Variants in UPK3B observed in about 807,000 individuals in gnomAD.
UPK3B encodes the protein uroplakin 3B.
Under a neutral mutation model 27.6 loss-of-function variants are expected in UPK3B, and 21 were observed. That is an observed-to-expected ratio of 0.76 (90% CI 0.54 to 1.10). UPK3B has a LOEUF of 1.10. Among genes scored for constraint, UPK3B ranks in the 50% least tolerant of loss-of-function variants. The pLI is 0.00. For missense variants in UPK3B, 306 were observed against 376.1 expected, an observed-to-expected ratio of 0.81 and a Z score of 1.54; for synonymous variants, 141 against 162.3, an observed-to-expected ratio of 0.87 and a Z score of 1.00.
In UPK3B at chr7:76,514,118, C is replaced by G. The variant is rs1168213750; in HGVS notation, c.671+42C>G. 3.1e-6 allele frequency: 5 copies of G among 1,613,692 alleles called. No individual in the cohort carries two copies. The Admixed American group carries it at 6.7e-5, about 22-fold the overall frequency. ...CCTCGGGCCCCTCTCCCACCCAGAA[C>G]CCCTCTGTTGAATTGGTCCCAGTGT... On this transcript the variant is annotated intron_variant, in intron 5 of 5. Coordinates refer to ENST00000334348, the MANE Select transcript of UPK3B (RefSeq NM_001347684.2).
Position 76,515,506 on chromosome 7 carries a change from C to T in UPK3B, c.*302C>T, listed in dbSNP as rs1812709774. The T allele has an allele frequency of 3.1e-6, 2 of 643,138 alleles. No homozygotes were observed. The highest frequency in any genetic ancestry group is 3.6e-6 in the Non-Finnish European group (2 of 552,954). 39.8% of individuals were successfully genotyped at this position (643,138 alleles called of 1,614,324 possible). On this transcript the variant is annotated 3_prime_UTR_variant, in exon 6 of 6. Transcript: ENST00000334348. The stretch of plus-strand genomic sequence containing the variant: ...CACCTCTGTCTCACCTGACCTCCTG[C>T]GAGGGAGGCTGGAGACTGTGTGGAC...
rs764822370 is a variant in UPK3B at position 76,513,061 on chromosome 7, C to T, written c.462-23C>T. The T allele has an allele frequency of 6.9e-6, 11 of 1,604,034 alleles. No individual in the cohort carries two copies. The East Asian group carries it at 2.0e-4, about 29-fold the overall frequency. On this transcript the variant is annotated intron_variant, in intron 3 of 5. Coordinates refer to ENST00000334348, the MANE Select transcript of UPK3B (RefSeq NM_001347684.2). ...CCAGCCTCTGAAGCTCTCCCCTCCT[C>T]CCCCACCACCTCCCATCCCCAGGGT...
Position 76,515,141 on chromosome 7 carries a change from G to T in UPK3B, c.768G>T (p.Glu256Asp). 1 of 1,598,386 alleles carries T rather than the reference G, an allele frequency of 6.3e-7. No individual in the cohort carries two copies. The highest frequency in any genetic ancestry group is 1.1e-5 in the South Asian group (1 of 88,532). Residue 256 changes from glutamate (E) to aspartate (D), a missense_variant, in exon 6 of 6, where the codon GAG becomes GAT. Physicochemically the swap from Glu to Asp is conservative, Grantham distance 45. Coordinates refer to ENST00000334348, the MANE Select transcript of UPK3B (RefSeq NM_001347684.2). ...RYMTHHIPPREAATLPVGCKP... is the reference protein window; with the variant it reads ...RYMTHHIPPRDAATLPVGCKP... ...TGACCCACCACATCCCACCCAGAGA[G>T]GCCGCCACACTGCCGGTGGGCTGCA... is the stretch of plus-strand genomic sequence containing the variant.
intron 4 of UPK3B, among the ~76,000 whole-genome samples, 181 bp downstream of exon 4, chr7:76,513,344 G>A (rs979260521): frequency 1.3e-5 from 2 of 152,134 alleles, no homozygotes; most frequent in Non-Finnish European, 2.9e-5. Flanking sequence ...CAGCCCCCTC[G>A]GCAGGGGCAC....
At chr7:76,513,828 A>T in intron 4 of UPK3B, 119 bp from the exon 5 acceptor site, 3 of 1,487,726 alleles carry the variant, frequency 2.0e-6, no homozygotes, top group Non-Finnish European at 2.7e-6. Flanking sequence ...GCGCCTGGGG[A>T]TATGAGACAG....
rs776520942 is a variant in UPK3B at position 76,510,611 on chromosome 7, A to C, written c.-42A>C. 1 of 1,430,828 alleles carries C rather than the reference A, an allele frequency of 7.0e-7. No homozygotes were observed. The highest frequency in any genetic ancestry group is 1.8e-5 in the South Asian group (1 of 56,568). The allele number at this position is 1,430,828 out of a possible 1,614,324, so 88.6% of individuals were successfully genotyped here. ...TTGGGGGTGAGGTGCAGCCCGAAGCAGCCAGACCAGCCCCTGAGCCTCCCG... is the reference window on the plus strand; with the variant it reads ...TTGGGGGTGAGGTGCAGCCCGAAGCCGCCAGACCAGCCCCTGAGCCTCCCG... On this transcript the variant is annotated 5_prime_UTR_variant, in exon 1 of 6. Transcript: ENST00000334348.
At chr7:76,514,120 C>T (rs779574324) in intron 5 of UPK3B, 44 bp downstream of exon 5, 1 of 1,613,614 alleles carries the variant, frequency 6.2e-7, no homozygotes, top group East Asian at 2.2e-5. Context: ...ACCCAGAACC[C>T]CTCTGTTGAA....
rs773737981 is a variant in UPK3B, at chr7:76,513,986, G to A, written c.581G>A (p.Arg194Gln). Residue 194 changes from arginine to glutamine, a missense_variant, in exon 5 of 6, where the codon CGA becomes CAA. Coordinates refer to ENST00000334348, the MANE Select transcript of UPK3B (RefSeq NM_001347684.2). ...PGSIDTWPGRRSGSMIVITSI... is the reference protein window; with the variant it reads ...PGSIDTWPGRQSGSMIVITSI... ...TCCATCGACACCTGGCCAGGGCGGC[G>A]AAGTGGCAGCATGATCGTCATTACC... 18 of 1,613,896 alleles carry A rather than the reference G, an allele frequency of 1.1e-5. No homozygotes were observed. Among genetic ancestry groups the A allele is most frequent in the Admixed American group, 1.7e-5 (1 of 60,008 alleles).
chr7:76,513,376 G>A (rs1347286372), intron 4 of UPK3B, among the ~76,000 whole-genome samples: 1 of 152,172 alleles, frequency 6.6e-6, no homozygotes, highest in African/African-American at 2.4e-5. Flanking sequence ...ATCCGCAAGC[G>A]TTTGCCACAT....
At chr7:76,514,156 C>T in intron 5 of UPK3B, 80 bp downstream of exon 5, 2 of 1,598,362 alleles carry the variant, frequency 1.3e-6, no homozygotes, top group South Asian at 2.2e-5. Context: ...GGAAGCCCTC[C>T]AGGCATGCCA....
intron 4 of UPK3B, among the ~76,000 whole-genome samples, chr7:76,513,614 G>A (rs764633210): frequency 1.6e-4 from 25 of 152,082 alleles, no homozygotes; most frequent in Admixed American, 2.0e-4. Flanking sequence ...CCTGGGAGAC[G>A]GCTTCAGAGG....
At position 76,515,059 on chromosome 7, in the gene UPK3B, G is replaced by T. The variant is rs568226441; in HGVS notation, c.686G>T (p.Trp229Leu). ...ASTMRFSSLW[W>L]PEEAPEQLRI... ...TCCCCGCCCAGCTCCAGCCTGTGGT[G>T]GCCGGAGGAGGCCCCGGAGCAGCTG... Residue 229 changes from tryptophan (W) to leucine (L), a missense_variant, in exon 6 of 6, where the codon TGG (tryptophan) becomes TTG (leucine). Trp to Leu is a moderately conservative substitution (Grantham distance 61, BLOSUM62 -2). Transcript: ENST00000334348. The T allele has an allele frequency of 5.7e-6, 9 of 1,584,068 alleles. No homozygotes were observed. Among genetic ancestry groups the T allele is most frequent in the Non-Finnish European group, 7.7e-6 (9 of 1,165,892 alleles).
In UPK3B at chr7:76,513,132, C is replaced by T. The variant is rs147468133; in HGVS notation, c.510C>T (p.Thr170=). 9.6e-5 allele frequency: 155 copies of T among 1,613,874 alleles called. No homozygotes were observed. The African/African-American group carries it at 1.9e-3, about 20-fold the overall frequency. Residue 170 remains threonine (T), a synonymous_variant, in exon 4 of 6, where the codon ACC becomes ACT. Coordinates refer to ENST00000334348, the MANE Select transcript of UPK3B (RefSeq NM_001347684.2). The part of the protein sequence containing the change: ...MDTRGSPRAE[T]KWSDPITLHQ... ...CCAGGGGCTCACCCAGGGCTGAGACCAAGTGGTCAGACCCCATCACTCTCC... is the reference window on the plus strand; with the variant it reads ...CCAGGGGCTCACCCAGGGCTGAGACTAAGTGGTCAGACCCCATCACTCTCC...
chr7:76,515,768 G>A lies in UPK3B; in HGVS notation c.*564G>A, dbSNP rs535753679. On this transcript the variant is annotated 3_prime_UTR_variant, in exon 6 of 6. Coordinates refer to ENST00000334348, the MANE Select transcript of UPK3B (RefSeq NM_001347684.2). ...CCATGGTCATCTGACTACCAATTCT[G>A]GCCACCACCTCCAACCCTCTTGTGC... The A allele has an allele frequency of 6.5e-6, 4 of 612,494 alleles. 1 individual carries two copies. The highest frequency in any genetic ancestry group is 4.5e-5 in the African/African-American group (1 of 21,988). 37.9% of individuals were successfully genotyped at this position (612,494 alleles called of 1,614,324 possible).
chr7:76,515,054 G>A lies in UPK3B; in HGVS notation c.681G>A (p.Leu227=), dbSNP rs1427916919. 8 of 1,580,982 alleles carry A rather than the reference G, an allele frequency of 5.1e-6. 1 individual carries two copies. The highest frequency in any genetic ancestry group is 6.9e-6 in the Non-Finnish European group (8 of 1,164,144). The change falls in exon 6 of 6, where the codon CTG becomes CTA. Residue 227 remains leucine, a synonymous_variant. Transcript: ENST00000334348. ...LAASTMRFSS[L]WWPEEAPEQL... The stretch of plus-strand genomic sequence containing the variant: ...TCCTCTCCCCGCCCAGCTCCAGCCT[G>A]TGGTGGCCGGAGGAGGCCCCGGAGC...
rs1812590137 is a variant in UPK3B, at chr7:76,513,060, TC to T, written c.462-19del. On this transcript the variant is annotated intron_variant, in intron 3 of 5. Coordinates refer to ENST00000334348, the MANE Select transcript of UPK3B (RefSeq NM_001347684.2). ...CCCAGCCTCTGAAGCTCTCCCCTCCTCCCCCACCACCTCCCATCCCCAGGGT... is the reference window on the plus strand; with the variant it reads ...CCCAGCCTCTGAAGCTCTCCCCTCCTCCCCACCACCTCCCATCCCCAGGGT... The T allele has an allele frequency of 1.9e-6, 3 of 1,601,802 alleles. No homozygotes were observed. In the African/African-American group the frequency reaches 4.0e-5, roughly 21 times the overall value.
chr7:76,513,722 A>G lies in UPK3B; in HGVS notation c.542-225A>G, dbSNP rs1232024225. Among the ~76,000 whole-genome samples, 13 of 151,694 alleles carry G rather than the reference A, an allele frequency of 8.6e-5. No individual in the cohort carries two copies. The East Asian group carries it at 2.3e-3, about 27-fold the overall frequency. On this transcript the variant is annotated intron_variant, in intron 4 of 5. Coordinates refer to ENST00000334348, the MANE Select transcript of UPK3B (RefSeq NM_001347684.2). ...ATGAGCACGTGGGTGGGAGCAGCCT[A>G]GAAGGTAGGAGCAGGGCGGAGGCTG...
rs757664463 is a variant in UPK3B at position 76,515,184 on chromosome 7, C to T, written c.811C>T (p.Leu271Phe). 2 of 1,592,730 alleles carry T rather than the reference C, an allele frequency of 1.3e-6. No individual in the cohort carries two copies. Among genetic ancestry groups the T allele is most frequent in the East Asian group, 4.6e-5 (2 of 43,840 alleles). Reference protein sequence around the residue: ...PVGCKPGLDPLPSLSP With the variant: ...PVGCKPGLDPFPSLSP ...GGGCTGCAAGCCTGGCCTGGACCCC[C>T]TCCCCAGCCTCAGCCCCTAGCCTGG... Residue 271 changes from leucine (L) to phenylalanine (F), a missense_variant, in exon 6 of 6, where the codon CTC becomes TTC. Transcript: ENST00000334348.
rs569090393 is a variant in UPK3B at position 76,515,096 on chromosome 7, C to T, written c.723C>T (p.Ser241=). The T allele has an allele frequency of 1.9e-6, 3 of 1,601,466 alleles. No individual in the cohort carries two copies. The highest frequency in any genetic ancestry group is 1.1e-5 in the South Asian group (1 of 89,018). ...EEAPEQLRIG[S]FMGKRYMTHH... ...CCCCGGAGCAGCTGCGGATCGGCTC[C>T]TTCATGGGCAAGCGCTACATGACCC... Residue 241 remains serine (S), a synonymous_variant, in exon 6 of 6, where the codon TCC becomes TCT. Transcript: ENST00000334348.
Sources: gnomAD v4.1 joint callset for allele counts (sites outside exome capture counted in the v4.1 genomes callset) on GRCh38, gnomAD v4.1.1 for gene constraint, MANE v1.5 for transcripts, NCBI Gene and HGNC (gene_info 2026-07-23, HGNC 2026-07-21) for gene names.